SUGCT: variants seen among roughly 807,000 people sequenced by gnomAD.
SUGCT encodes succinyl-CoA:glutarate CoA-transferase.
A neutral mutation model predicts 55.0 loss-of-function variants in SUGCT; 41 were observed. That is an observed-to-expected ratio of 0.74 (90% CI 0.58 to 0.97). The LOEUF is 0.97. Ranked by LOEUF, SUGCT falls within the 50% of genes least tolerant of loss-of-function variation. The probability of loss-of-function intolerance (pLI) is 0.00; values close to 1 mark genes in which losing one functional copy is unlikely to be tolerated. For synonymous variants in SUGCT, 187 were observed against 200.4 expected, an observed-to-expected ratio of 0.93 and a Z score of 0.56; for missense variants, 568 against 547.8, an observed-to-expected ratio of 1.04 and a Z score of -0.37.
intron 7 of SUGCT, among the ~76,000 whole-genome samples, chr7:40,254,782 A>T (rs1030346233): frequency 1.8e-4 from 28 of 152,028 alleles, no homozygotes; most frequent in African/African-American, 6.3e-4. Context: ...TCTATCATTC[A>T]AATGCCTTTT....
At chr7:40,809,747 C>T (rs1791307311) in intron 13 of SUGCT, among the ~76,000 whole-genome samples, 1 of 152,100 alleles carries the variant, frequency 6.6e-6, no homozygotes, top group African/African-American at 2.4e-5. Context: ...GAGCATAGTA[C>T]TCAACAGTTA....
chr7:40,963,267 C>T, the SUGCT span, among the ~76,000 whole-genome samples: 1 of 151,940 alleles, frequency 6.6e-6, no homozygotes, highest in Non-Finnish European at 1.5e-5. Context: ...TGGAGACTAT[C>T]ATCAGGCTCT....
chr7:40,822,210 C>T (rs550269298), intron 13 of SUGCT, among the ~76,000 whole-genome samples: 61 of 152,158 alleles, frequency 4.0e-4, no homozygotes, highest in Admixed American at 1.2e-3. Context: ...GTAATAAGTG[C>T]GATGTGGTGC....
At chr7:40,989,239 TG>T in the SUGCT span, among the ~76,000 whole-genome samples, 1 of 152,238 alleles carries the variant, frequency 6.6e-6, no homozygotes, top group Non-Finnish European at 1.5e-5. Flanking sequence ...CTGTAACATG[TG>T]ATACTGTTTC....
intron 12 of SUGCT, among the ~76,000 whole-genome samples, chr7:40,577,136 G>A (rs962384326): frequency 5.3e-5 from 8 of 152,156 alleles, no homozygotes; most frequent in African/African-American, 7.2e-5. Context: ...CAGCATTTCC[G>A]ATTTTAAGCT....
At chr7:40,328,191 C>T (rs1327733625) in intron 9 of SUGCT, among the ~76,000 whole-genome samples, 3 of 152,206 alleles carry the variant, frequency 2.0e-5, no homozygotes, top group Non-Finnish European at 2.9e-5. Flanking sequence ...GTTGTTTACT[C>T]ATCACAGGGA....
chr7:40,452,259 T>C (rs1185360118), intron 10 of SUGCT, among the ~76,000 whole-genome samples: 1 of 152,218 alleles, frequency 6.6e-6, no homozygotes, highest in African/African-American at 2.4e-5. Flanking sequence ...CAGCAAAGTA[T>C]GAAAGTGAGC....
intron 12 of SUGCT, among the ~76,000 whole-genome samples, chr7:40,557,923 A>T (rs537084842): frequency 6.6e-6 from 1 of 152,284 alleles, no homozygotes; most frequent in Admixed American, 6.5e-5. Flanking sequence ...CAAACAAATA[A>T]CCCAGTTAAA....
chr7:40,196,983 T>C (rs1391735259), intron 6 of SUGCT, among the ~76,000 whole-genome samples: 2 of 152,042 alleles, frequency 1.3e-5, no homozygotes, highest in East Asian at 3.9e-4. Flanking sequence ...TACGGGCATG[T>C]ACCACCTTGC....
chr7:40,733,277 C>T (rs1396657802), intron 12 of SUGCT, among the ~76,000 whole-genome samples: 1 of 152,148 alleles, frequency 6.6e-6, no homozygotes, highest in African/African-American at 2.4e-5. Flanking sequence ...TCCCTGATAA[C>T]ATCTCTTGGC....
intron 9 of SUGCT, among the ~76,000 whole-genome samples, chr7:40,393,485 G>C (rs1480599066): frequency 6.6e-6 from 1 of 152,172 alleles, no homozygotes; most frequent in Non-Finnish European, 1.5e-5. Context: ...ACTTGAGGCA[G>C]CAAGTAGGGA....
chr7:40,539,040 C>G (rs569106233), intron 12 of SUGCT: 2 of 148,654 alleles, frequency 1.3e-5, no homozygotes, highest in South Asian at 4.2e-4. Flanking sequence ...GATCGTGCCA[C>G]TACATTCCAG....
chr7:40,579,164 G>T (rs1224208509), intron 12 of SUGCT, among the ~76,000 whole-genome samples: 1 of 151,668 alleles, frequency 6.6e-6, no homozygotes, highest in African/African-American at 2.4e-5. Context: ...TCTGCCATTA[G>T]AACCTCAGAA....
intron 9 of SUGCT, among the ~76,000 whole-genome samples, chr7:40,430,260 C>T (rs1787823929): frequency 6.6e-6 from 1 of 152,156 alleles, no homozygotes; most frequent in African/African-American, 2.4e-5. Flanking sequence ...TTCATAACAG[C>T]TGTACCAATC....
the SUGCT span, among the ~76,000 whole-genome samples, chr7:41,018,660 G>A: frequency 3.9e-5 from 6 of 152,174 alleles, no homozygotes; most frequent in Non-Finnish European, 8.8e-5. Context: ...GACTCCGTAA[G>A]TTTCAATCAA....
At chr7:40,188,434 C>CAAA (rs35948652) in intron 3 of SUGCT, 61 bp from the exon 4 acceptor site, 2,559 of 595,720 alleles carry the variant, frequency 4.3e-3, no homozygotes, top group South Asian at 6.0e-3. Context: ...ACTCCATCTC[C>CAAA]AAAAAAAAAA....
At chr7:40,207,408 G>A (rs950189349) in intron 6 of SUGCT, among the ~76,000 whole-genome samples, 2 of 152,158 alleles carry the variant, frequency 1.3e-5, no homozygotes, top group South Asian at 2.1e-4. Context: ...TCAAAAAACC[G>A]GGAAACAACA....
intron 1 of SUGCT, among the ~76,000 whole-genome samples, chr7:40,138,751 G>T (rs1787825241): frequency 6.6e-6 from 1 of 152,058 alleles, no homozygotes; most frequent in Admixed American, 6.6e-5. Flanking sequence ...CTGATGATTG[G>T]TGATGTTGAA....
chr7:40,141,888 G>A (rs1405255774), intron 1 of SUGCT: 3 of 369,778 alleles, frequency 8.1e-6, no homozygotes, highest in South Asian at 2.2e-5. Context: ...GCACACACCT[G>A]GACAAGGGAG....
Sources: allele counts gnomAD v4.1 joint callset (sites outside exome capture counted in the v4.1 genomes callset), GRCh38; gene constraint gnomAD v4.1.1; transcripts MANE v1.5; gene names NCBI Gene and HGNC (gene_info 2026-07-23, HGNC 2026-07-21).